Variants in CDC7 observed in about 807,000 individuals in gnomAD.
CDC7 encodes the protein cell division cycle 7-related protein kinase.
Under a neutral mutation model 53.5 loss-of-function variants are expected in CDC7, and 34 were observed. The observed-to-expected ratio is 0.64, with a 90% CI of 0.48 to 0.85. The LOEUF is 0.85. CDC7 is among the 40% of genes least tolerant of loss of function. CDC7 has a pLI of 0.00. For missense variants in CDC7, 594 were observed against 679.7 expected (o/e 0.87, Z 1.40); for synonymous variants, 211 against 222.8 (o/e 0.95, Z 0.47).
chr1:91,519,827 G>A (rs947553296), intron 10 of CDC7, among the ~76,000 whole-genome samples: 1 of 152,120 alleles, frequency 6.6e-6, no homozygotes, highest in Non-Finnish European at 1.5e-5. Context: ...CGTTTACTTA[G>A]TGTTTCCTAG....
chr1:91,511,053 A>G (rs1023051780), intron 4 of CDC7, among the ~76,000 whole-genome samples: 6 of 152,170 alleles, frequency 3.9e-5, no homozygotes, highest in African/African-American at 1.4e-4. Context: ...AACTCTATCA[A>G]AATGATGAGG....
intron 10 of CDC7, among the ~76,000 whole-genome samples, chr1:91,516,816 G>C (rs546717975): frequency 1.1e-4 from 16 of 152,272 alleles, no homozygotes; most frequent in African/African-American, 3.9e-4. Flanking sequence ...TGTAATCCCA[G>C]CACTTTCGGA....
intron 10 of CDC7, among the ~76,000 whole-genome samples, 158 bp from the exon 11 acceptor site, chr1:91,519,972 A>T (rs1213107100): frequency 6.6e-6 from 1 of 152,218 alleles, no homozygotes; most frequent in African/African-American, 2.4e-5. Context: ...CCTGAGCCCT[A>T]CTTCAGAACT....
intron 10 of CDC7, among the ~76,000 whole-genome samples, chr1:91,517,572 A>G (rs1667628440): frequency 6.6e-6 from 1 of 152,160 alleles, no homozygotes; most frequent in Admixed American, 6.5e-5. Flanking sequence ...TGGGACATCC[A>G]AATAGAGATT....
intron 11 of CDC7, 110 bp downstream of exon 11, chr1:91,520,389 TA>T: frequency 1.2e-6 from 1 of 855,854 alleles, no homozygotes; most frequent in Admixed American, 3.5e-5. Flanking sequence ...TCAGTCTTGA[TA>T]AAGTTCTCTA....
intron 4 of CDC7, among the ~76,000 whole-genome samples, chr1:91,511,313 A>T (rs1313654385): frequency 6.6e-6 from 1 of 152,066 alleles, no homozygotes; most frequent in Non-Finnish European, 1.5e-5. Flanking sequence ...GCTAAGTCTT[A>T]TTAATCTTTT....
chr1:91,505,602 T>G (rs747325769), intron 2 of CDC7, among the ~76,000 whole-genome samples: 2 of 152,218 alleles, frequency 1.3e-5, no homozygotes, highest in Non-Finnish European at 2.9e-5. Flanking sequence ...TTTAGCATAT[T>G]ATAGATTTTC....
rs1346943305 is a variant in CDC7, at chr1:91,525,283, A to G, written c.*848A>G. On this transcript the variant is annotated 3_prime_UTR_variant, in exon 12 of 12. Coordinates refer to ENST00000234626, the MANE Select transcript of CDC7 (RefSeq NM_003503.4). ...TTTGAGTTGTATATTTTTTCACACC[A>G]TCTTAGATATAATTAGGTAGCTGCT... The G allele has an allele frequency of 6.6e-6, 1 of 152,124 alleles. No homozygotes were observed. Among genetic ancestry groups the G allele is most frequent in the Non-Finnish European group, 1.5e-5 (1 of 67,978 alleles). 9.4% of individuals were successfully genotyped at this position (152,124 alleles called of 1,614,324 possible). A position where few individuals can be genotyped will look rare whatever the true frequency, so the allele number is the denominator to read the frequency against.
In CDC7 at chr1:91,509,736, G is replaced by T. The variant is rs555564864; in HGVS notation, c.335+1339G>T. 3.3e-5 allele frequency among the ~76,000 whole-genome samples: 5 copies of T among 152,068 alleles called. No homozygotes were observed. The South Asian group carries it at 1.0e-3, about 32-fold the overall frequency. On this transcript the variant is annotated intron_variant, in intron 4 of 11. Transcript: ENST00000234626. ...TAGTTCCACCACTTAAAATCTTTCAGTGGTTTCCCTATGTACTTTGAAAAA... is the reference window on the plus strand; with the variant it reads ...TAGTTCCACCACTTAAAATCTTTCATTGGTTTCCCTATGTACTTTGAAAAA...
chr1:91,523,604 G>A (rs1418109321), intron 11 of CDC7, among the ~76,000 whole-genome samples: 1 of 152,190 alleles, frequency 6.6e-6, no homozygotes, highest in Non-Finnish European at 1.5e-5. Flanking sequence ...GAGTGGTGAT[G>A]TCAGTGAGAG....
intron 4 of CDC7, among the ~76,000 whole-genome samples, chr1:91,511,110 G>A (rs767286680): frequency 7.2e-5 from 11 of 151,900 alleles, no homozygotes; most frequent in Non-Finnish European, 1.5e-4. Context: ...TCATTTTTTG[G>A]TATCTCTATT....
chr1:91,519,868 C>T (rs1281048045), intron 10 of CDC7, among the ~76,000 whole-genome samples: 2 of 152,144 alleles, frequency 1.3e-5, no homozygotes, highest in Admixed American at 6.5e-5. Context: ...TTTACCAACA[C>T]GTTGCTCAAG....
intron 4 of CDC7, among the ~76,000 whole-genome samples, chr1:91,510,166 G>C (rs1278038423): frequency 6.6e-6 from 1 of 151,028 alleles, no homozygotes; most frequent in African/African-American, 2.4e-5. Context: ...AATGACCTGC[G>C]ATCACTCCAT....
Position 91,501,696 on chromosome 1 carries a change from T to C in CDC7, c.-21T>C. ...TGGATGTAACCCCTTAGCTGGCATTTTGCATCTCAATTGGCTTGTGATGGA... is the reference window on the plus strand; with the variant it reads ...TGGATGTAACCCCTTAGCTGGCATTCTGCATCTCAATTGGCTTGTGATGGA... On this transcript the variant is annotated 5_prime_UTR_variant, in exon 2 of 12. Transcript: ENST00000234626. 1 of 1,568,780 alleles carries C rather than the reference T, an allele frequency of 6.4e-7. No homozygotes were observed. The highest frequency in any genetic ancestry group is 1.1e-5 in the South Asian group (1 of 90,084).
At chr1:91,505,818 A>AT (rs1666955471) in intron 2 of CDC7, among the ~76,000 whole-genome samples, 1 of 152,204 alleles carries the variant, frequency 6.6e-6, no homozygotes, top group Non-Finnish European at 1.5e-5. Flanking sequence ...AAACCTTAAT[A>AT]AACATTTTGA....
At position 91,513,958 on chromosome 1, in the gene CDC7, T is replaced by C. The variant is rs763589588; in HGVS notation, c.833T>C (p.Val278Ala). ...KQGKDGKEGS[V>A]GLSVQRSVFG... ...TTGTTGGTATTGTAGGAGGGATCTG[T>C]AGGCCTTTCTGTCCAGCGCTCTGTT... The change falls in exon 8 of 12, where the codon GTA becomes GCA. Residue 278 changes from valine to alanine, a missense_variant. By Grantham distance (64) the Val-to-Ala change is moderately conservative (BLOSUM62 0). Transcript: ENST00000234626. 1.2e-6 allele frequency: 2 copies of C among 1,610,622 alleles called. No individual in the cohort carries two copies. Among genetic ancestry groups the C allele is most frequent in the Non-Finnish European group, 8.5e-7 (1 of 1,177,114 alleles).
chr1:91,501,844 A>G lies in CDC7; in HGVS notation c.115+13A>G. 6.4e-7 allele frequency: 1 copy of G among 1,567,000 alleles called. No individual in the cohort carries two copies. The highest frequency in any genetic ancestry group is 1.1e-5 in the South Asian group (1 of 90,140). On this transcript the variant is annotated intron_variant, in intron 2 of 11. Transcript: ENST00000234626. ...TTTAAACTTGCAGGTACGTGTTTAA[A>G]TCCAAAGATGTACAGTTATAAAGAT...
At position 91,525,015 on chromosome 1, in the gene CDC7, TC is replaced by T. The variant is rs1668192968; in HGVS notation, c.*581del. 6.6e-6 allele frequency: 1 copy of T among 152,152 alleles called. No individual in the cohort carries two copies. Among genetic ancestry groups the T allele is most frequent in the Non-Finnish European group, 1.5e-5 (1 of 68,008 alleles). The allele number at this position is 152,152 out of a possible 1,614,324, so 9.4% of individuals were successfully genotyped here. A position where few individuals can be genotyped will look rare whatever the true frequency, so the allele number is the denominator to read the frequency against. On this transcript the variant is annotated 3_prime_UTR_variant, in exon 12 of 12. Coordinates refer to ENST00000234626, the MANE Select transcript of CDC7 (RefSeq NM_003503.4). ...AATTCATCCATTTTTAAAAAACACT[TC>T]ATGAAAGCATTCTGGTGTGAATTGC...
At chr1:91,517,768 A>G (rs924500695) in intron 10 of CDC7, among the ~76,000 whole-genome samples, 5 of 152,190 alleles carry the variant, frequency 3.3e-5, no homozygotes, top group Admixed American at 2.6e-4. Context: ...TGGAGAAAAC[A>G]TTGAAGGAGC....
Sources: gnomAD v4.1 joint callset for allele counts (sites outside exome capture counted in the v4.1 genomes callset) on GRCh38, gnomAD v4.1.1 for gene constraint, MANE v1.5 for transcripts, NCBI Gene and HGNC (gene_info 2026-07-23, HGNC 2026-07-21) for gene names.